Variants in AKT3 observed in about 807,000 individuals in gnomAD.
AKT3 encodes the protein AKT serine/threonine kinase 3, also known as RAC-gamma serine/threonine-protein kinase.
Under a neutral mutation model 65.3 loss-of-function variants are expected in AKT3, and 15 were observed. The ratio of observed to expected loss-of-function variants is 0.23; its 90% CI spans 0.15 to 0.35. The LOEUF (loss-of-function observed/expected upper bound fraction) is 0.35, where lower values mean the gene tolerates loss of function less well. Among genes scored for constraint, AKT3 ranks in the 10% least tolerant of loss-of-function variants. The pLI is 1.00. For missense variants in AKT3, 243 were observed against 576.5 expected (o/e 0.42, Z 5.92); for synonymous variants, 206 against 183.8 (o/e 1.12, Z -0.98).
intron 2 of AKT3, among the ~76,000 whole-genome samples, chr1:243,782,459 A>C (rs74151217): frequency 0.013 from 1,910 of 152,292 alleles, 26 homozygotes; most frequent in African/African-American, 0.037. Context: ...ACAGAAGAAG[A>C]AGCTAACTAC....
At chr1:243,739,205 CAAAAAG>C (rs1688004785) in intron 2 of AKT3, among the ~76,000 whole-genome samples, 2 of 151,850 alleles carry the variant, frequency 1.3e-5, no homozygotes, top group African/African-American at 2.4e-5. Flanking sequence ...CATAAAAGAG[CAAAAAG>C]AAAGAGTAAA....
In AKT3 at chr1:243,584,988, TACTC is replaced by T. The variant is rs943901998; in HGVS notation, c.697-11944_697-11941del. ...TCTCTCTTTACTGATAATGATTCGA[TACTC>T]AGGAAACCCTAAGGGCTCCACCAAA... On this transcript the variant is annotated intron_variant, in intron 8 of 13. Coordinates refer to ENST00000673466, the MANE Select transcript of AKT3 (RefSeq NM_005465.7). Among the ~76,000 whole-genome samples the T allele has an allele frequency of 3.4e-4, 52 of 152,256 alleles. 1 individual carries two copies. Among genetic ancestry groups the T allele is most frequent in the African/African-American group, 1.2e-3 (48 of 41,552 alleles).
chr1:243,571,529 C>T (rs1674564729), intron 9 of AKT3, among the ~76,000 whole-genome samples: 1 of 152,148 alleles, frequency 6.6e-6, no homozygotes, highest in Admixed American at 6.5e-5. Flanking sequence ...ATCTAAGCCT[C>T]CATGCTTCTA....
chr1:243,669,721 AT>A (rs1683039611), intron 3 of AKT3, among the ~76,000 whole-genome samples: 1 of 152,196 alleles, frequency 6.6e-6, no homozygotes, highest in Admixed American at 6.5e-5. Flanking sequence ...GATTCCAAAT[AT>A]CAATTACTAT....
chr1:243,563,440 A>G (rs1236500413), intron 10 of AKT3, among the ~76,000 whole-genome samples: 4 of 152,202 alleles, frequency 2.6e-5, no homozygotes, highest in Admixed American at 2.6e-4. Context: ...ATGAATCAAA[A>G]TGGGTATAGC....
intron 13 of AKT3, among the ~76,000 whole-genome samples, chr1:243,489,754 G>C (rs1035854575): frequency 1.3e-5 from 2 of 152,170 alleles, no homozygotes; most frequent in Admixed American, 1.3e-4. Context: ...GCCCAGACAA[G>C]CATTACAGCT....
chr1:243,686,706 C>T (rs1294258480), intron 3 of AKT3, among the ~76,000 whole-genome samples: 3 of 104,956 alleles, frequency 2.9e-5, no homozygotes, highest in Non-Finnish European at 5.4e-5. Context: ...CTTGCTCTGT[C>T]GCCAAGGCTT....
At chr1:243,490,422 C>G (rs1170143842) in intron 13 of AKT3, among the ~76,000 whole-genome samples, 2 of 152,238 alleles carry the variant, frequency 1.3e-5, no homozygotes, top group Non-Finnish European at 2.9e-5. Context: ...GCCCTGGAAC[C>G]TGAATTTTGC....
In AKT3 at chr1:243,499,816, T is replaced by A; in HGVS notation, c.*5433A>T. The A allele has an allele frequency of 1.2e-6, 2 of 1,603,658 alleles. No homozygotes were observed. The highest frequency in any genetic ancestry group is 1.7e-6 in the Non-Finnish European group (2 of 1,171,380). On this transcript the variant is annotated 3_prime_UTR_variant, in exon 14 of 14. Transcript: ENST00000673466. ...ATGGAACAGAGTGAAATAAATGATT[T>A]ACAAAGAGATATTTACATTCATCTG... is the stretch of plus-strand genomic sequence containing the variant.
rs1686753420 is a variant in AKT3, at chr1:243,719,695, C to G, written c.47-23979G>C. 2.0e-5 allele frequency among the ~76,000 whole-genome samples: 3 copies of G among 152,134 alleles called. No homozygotes were observed. The South Asian group carries it at 6.2e-4, about 31-fold the overall frequency. On this transcript the variant is annotated intron_variant, in intron 2 of 13. Transcript: ENST00000673466. The stretch of plus-strand genomic sequence containing the variant: ...CCTAGAATCCTCCCTTTTAGAGGCT[C>G]TTCCATCTCCTTGGTTTCATGACTG...
At chr1:243,595,888 T>C (rs1676575834) in intron 8 of AKT3, among the ~76,000 whole-genome samples, 1 of 152,132 alleles carries the variant, frequency 6.6e-6, no homozygotes, top group African/African-American at 2.4e-5. Flanking sequence ...AAGTACAATA[T>C]ATAAAATAAA....
chr1:243,705,295 T>C (rs540315090), intron 2 of AKT3, among the ~76,000 whole-genome samples: 2 of 152,296 alleles, frequency 1.3e-5, no homozygotes, highest in Admixed American at 6.5e-5. Flanking sequence ...AAAATACCTA[T>C]GCATTGAATA....
intron 6 of AKT3, among the ~76,000 whole-genome samples, chr1:243,618,250 G>T (rs1459638006): frequency 1.3e-5 from 2 of 152,014 alleles, no homozygotes; most frequent in Non-Finnish European, 2.9e-5. Context: ...AACAGTATTT[G>T]TTATGAGAAT....
At chr1:243,637,554 C>A in intron 6 of AKT3, 57 bp downstream of exon 6, 2 of 1,437,596 alleles carry the variant, frequency 1.4e-6, no homozygotes, top group East Asian at 2.5e-5. Context: ...CATGAGCCCA[C>A]AAACACATGC....
intron 6 of AKT3, among the ~76,000 whole-genome samples, chr1:243,621,553 T>C (rs1309396482): frequency 6.6e-6 from 1 of 152,208 alleles, no homozygotes; most frequent in Non-Finnish European, 1.5e-5. Context: ...ATACAGGATA[T>C]ATGCTGACAG....
chr1:243,768,143 G>A (rs1489679297), intron 2 of AKT3, among the ~76,000 whole-genome samples: 1 of 150,438 alleles, frequency 6.6e-6, no homozygotes, highest in African/African-American at 2.4e-5. Flanking sequence ...CCAGAAGCTA[G>A]GAGATATACA....
intron 12 of AKT3, among the ~76,000 whole-genome samples, chr1:243,523,658 T>A (rs1337705543): frequency 1.3e-5 from 2 of 152,116 alleles, no homozygotes; most frequent in South Asian, 2.1e-4. Flanking sequence ...CACCACCCAA[T>A]TAATTTTAAT....
At chr1:243,563,655 T>C in intron 10 of AKT3, 65 bp downstream of exon 10, 1 of 1,522,288 alleles carries the variant, frequency 6.6e-7, no homozygotes, top group Non-Finnish European at 8.8e-7. Context: ...TTTTAATGCT[T>C]AAATGGTTTA....
In AKT3 at chr1:243,616,307, T is replaced by TAAAAAA. The variant is rs57576796; in HGVS notation, c.562-1152_562-1147dup. The stretch of plus-strand genomic sequence containing the variant: ...GACTACAGGTTTAATGTGCTTTTCT[T>TAAAAAA]AAAAAAAAAAAAAAAAAAAAAAAAA... On this transcript the variant is annotated intron_variant, in intron 6 of 13. Transcript: ENST00000673466. 9.1e-4 allele frequency among the ~76,000 whole-genome samples: 61 copies of TAAAAAA among 66,756 alleles called. 2 individuals are homozygous for TAAAAAA. Among genetic ancestry groups the TAAAAAA allele is most frequent in the Admixed American group, 2.5e-3 (10 of 3,950 alleles). The allele number at this position is 66,756 out of a possible 152,430, so 43.8% of individuals were successfully genotyped here.
Sources: gnomAD v4.1 joint callset for allele counts (sites outside exome capture counted in the v4.1 genomes callset) on GRCh38, gnomAD v4.1.1 for gene constraint, MANE v1.5 for transcripts, NCBI Gene and HGNC (gene_info 2026-07-23, HGNC 2026-07-21) for gene names.